The following HESX1 variants were observed in gnomAD, a reference collection of about 807,000 sequenced individuals.
HESX1 encodes HESX homeobox 1.
In HESX1, 11 loss-of-function variants were observed where a neutral mutation model predicts 22.5. The ratio of observed to expected loss-of-function variants is 0.49; its 90% CI spans 0.31 to 0.81. The LOEUF (loss-of-function observed/expected upper bound fraction) is 0.81, where lower values mean the gene tolerates loss of function less well. Among genes scored for constraint, HESX1 ranks in the 30% least tolerant of loss-of-function variants. The pLI is 0.05. For synonymous variants in HESX1, 74 were observed against 76.5 expected (o/e 0.97, Z 0.17); for missense variants, 201 against 212.6 (o/e 0.95, Z 0.34).
intron 1 of HESX1, among the ~76,000 whole-genome samples, chr3:57,208,550 G>T (rs1210731666): frequency 6.6e-6 from 1 of 151,698 alleles, no homozygotes; most frequent in Non-Finnish European, 1.5e-5. Flanking sequence ...AGGTTTCACC[G>T]TATAGGCCAG....
chr3:57,226,859 A>C (rs2060649437), upstream of HESX1, among the ~76,000 whole-genome samples: 2 of 152,226 alleles, frequency 1.3e-5, no homozygotes, highest in South Asian at 4.1e-4. Context: ...CAGAGACATA[A>C]ACGAGCCAGG....
rs1186077911 is a variant in HESX1, at chr3:57,198,162, A to C, written c.*35T>G. 8.1e-7 allele frequency: 1 copy of C among 1,233,798 alleles called. No homozygotes were observed. The highest frequency in any genetic ancestry group is 2.3e-5 in the East Asian group (1 of 42,982). 76.4% of individuals were successfully genotyped at this position (1,233,798 alleles called of 1,614,324 possible). Reference sequence around the variant, plus strand: ...TTTCCACTGATTCTTCATGCTCTGCAATTAGAAGATAATTTCACTTGTTTA... The same window carrying C: ...TTTCCACTGATTCTTCATGCTCTGCCATTAGAAGATAATTTCACTTGTTTA... On this transcript the variant is annotated 3_prime_UTR_variant, in exon 4 of 4. Transcript: ENST00000295934.
rs540247963 is a variant in HESX1 at position 57,216,929 on chromosome 3, C to T, written c.-111+9367G>A. Among the ~76,000 whole-genome samples the T allele has an allele frequency of 5.3e-5, 8 of 152,228 alleles. No homozygotes were observed. The South Asian group carries it at 1.7e-3, about 32-fold the overall frequency. ...TCATTTATTTATATCAGTATGGACT[C>T]ACAGTTTCCTACTTTAATAGGTTAT... On this transcript the variant is annotated intron_variant, in intron 1 of 2. Transcript: ENST00000495160.
chr3:57,226,239 T>A (rs2107589756), intron 1 of HESX1: 1 of 152,310 alleles, frequency 6.6e-6, no homozygotes, highest in East Asian at 1.9e-4. Flanking sequence ...TCTTAACAGT[T>A]GCCACAACCT....
chr3:57,226,657 A>G (rs6445865), upstream of HESX1: 2 of 152,196 alleles, frequency 1.3e-5, no homozygotes, highest in Non-Finnish European at 2.9e-5. Flanking sequence ...CTATATTTGG[A>G]TTTGAGCTAC....
At chr3:57,213,227 T>C (rs1488158174) in intron 1 of HESX1, among the ~76,000 whole-genome samples, 2 of 152,184 alleles carry the variant, frequency 1.3e-5, no homozygotes, top group Non-Finnish European at 1.5e-5. Context: ...ATCCTCTACA[T>C]ACATGTTAGC....
At chr3:57,203,553 TTTTG>T (rs1233106846), upstream of HESX1, among the ~76,000 whole-genome samples, 1 of 151,522 alleles carries the variant, frequency 6.6e-6, no homozygotes, top group Non-Finnish European at 1.5e-5. Context: ...CATTTAGGGG[TTTTG>T]TTTTTGTTTT....
At chr3:57,215,249 G>A (rs1055351534) in intron 1 of HESX1, among the ~76,000 whole-genome samples, 3 of 152,072 alleles carry the variant, frequency 2.0e-5, no homozygotes, top group Non-Finnish European at 4.4e-5. Context: ...TTTCTAAAAG[G>A]TTGTAATCAA....
chr3:57,207,576 T>G (rs2060526879), intron 1 of HESX1, among the ~76,000 whole-genome samples: 1 of 152,228 alleles, frequency 6.6e-6, no homozygotes, highest in African/African-American at 2.4e-5. Flanking sequence ...AATGTCTGTC[T>G]TGTTGTTTGG....
chr3:57,202,187 G>A (rs1172819842), upstream of HESX1, among the ~76,000 whole-genome samples: 2 of 152,060 alleles, frequency 1.3e-5, no homozygotes, highest in Non-Finnish European at 2.9e-5. Context: ...CCAAAGTGCT[G>A]GGATTACAGG....
intron 1 of HESX1, among the ~76,000 whole-genome samples, chr3:57,206,370 G>A (rs2060519362): frequency 1.3e-5 from 2 of 152,210 alleles, no homozygotes; most frequent in African/African-American, 4.8e-5. Flanking sequence ...AGCCTAAAAA[G>A]TAGAGAAAAA....
chr3:57,200,786 T>C (rs771690568), upstream of HESX1, among the ~76,000 whole-genome samples: 5 of 152,194 alleles, frequency 3.3e-5, no homozygotes, highest in African/African-American at 4.8e-5. Flanking sequence ...GAAAAGAACA[T>C]AGTTTGCTTT....
At position 57,218,439 on chromosome 3, in the gene HESX1, C is replaced by CTT. The variant is rs60734023; in HGVS notation, c.-111+7855_-111+7856dup. 5.1e-3 allele frequency among the ~76,000 whole-genome samples: 517 copies of CTT among 102,130 alleles called. 2 individuals carry two copies. Among genetic ancestry groups the CTT allele is most frequent in the African/African-American group, 8.7e-3 (250 of 28,834 alleles). The allele number at this position is 102,130 out of a possible 152,430, so 67.0% of individuals were successfully genotyped here. On this transcript the variant is annotated intron_variant, in intron 1 of 2. Coordinates refer to the HESX1 transcript ENST00000495160. Reference sequence around the variant, plus strand: ...TGTTTGGAAAGGACATGATCTCATTCTTTTTTTTTTTTTTTTTTTTTTGAG... The same window carrying CTT: ...TGTTTGGAAAGGACATGATCTCATTCTTTTTTTTTTTTTTTTTTTTTTTTGAG...
chr3:57,213,751 A>G (rs2060569195), intron 1 of HESX1, among the ~76,000 whole-genome samples: 1 of 152,122 alleles, frequency 6.6e-6, no homozygotes, highest in South Asian at 2.1e-4. Flanking sequence ...ATGGTGAAAC[A>G]CTATCTCTAC....
chr3:57,198,202 C>G lies in HESX1; in HGVS notation c.553G>C (p.Glu185Gln). Residue 185 changes from glutamate to glutamine, a missense_variant, in exon 4 of 4, where the codon GAA (glutamate) becomes CAA (glutamine). Physicochemically the swap from Glu to Gln is conservative, Grantham distance 29 (BLOSUM62 2). Transcript: ENST00000295934. Reference sequence around the variant, plus strand: ...TCACTTGTTTAGTTTTCTATCTATTCCAGCAGATTTGTGTTGAAATTTTTT... The same window carrying G: ...TCACTTGTTTAGTTTTCTATCTATTGCAGCAGATTTGTGTTGAAATTTTTT... ...AKKNFNTNLL[E>Q] 6.3e-7 allele frequency: 1 copy of G among 1,587,592 alleles called. No homozygotes were observed. The highest frequency in any genetic ancestry group is 8.6e-7 in the Non-Finnish European group (1 of 1,156,324).
intron 1 of HESX1, among the ~76,000 whole-genome samples, chr3:57,213,941 T>C (rs1171576880): frequency 6.6e-6 from 1 of 152,098 alleles, no homozygotes; most frequent in Non-Finnish European, 1.5e-5. Flanking sequence ...ATAAATAAAC[T>C]TTTCAATGAT....
chr3:57,210,303 GA>G (rs1437708345), intron 1 of HESX1, among the ~76,000 whole-genome samples: 1 of 152,058 alleles, frequency 6.6e-6, no homozygotes, highest in African/African-American at 2.4e-5. Flanking sequence ...CTTGTTTTAG[GA>G]ACATGTAAAT....
intron 1 of HESX1, among the ~76,000 whole-genome samples, chr3:57,211,304 A>C (rs2060551996): frequency 6.6e-6 from 1 of 151,670 alleles, no homozygotes; most frequent in Non-Finnish European, 1.5e-5. Context: ...AAGGTGGGAG[A>C]ATTGCTTAAA....
chr3:57,208,615 G>A (rs970709494), intron 1 of HESX1, among the ~76,000 whole-genome samples: 1 of 149,680 alleles, frequency 6.7e-6, no homozygotes, highest in Non-Finnish European at 1.5e-5. Context: ...CTCCCAAAGT[G>A]CTGAGATTAC....
Sources: gnomAD v4.1 joint callset for allele counts (sites outside exome capture counted in the v4.1 genomes callset) on GRCh38, gnomAD v4.1.1 for gene constraint, MANE v1.5 for transcripts, NCBI Gene and HGNC (gene_info 2026-07-23, HGNC 2026-07-21) for gene names.